LCP1: variants seen among roughly 807,000 people sequenced by gnomAD.
LCP1 encodes plastin-2.
LCP1 carries 23 observed loss-of-function variants against 72.0 expected under a neutral mutation model. That is an observed-to-expected ratio of 0.32 (90% confidence interval 0.23 to 0.45). LCP1 has a LOEUF of 0.45. LCP1 is among the 20% of genes least tolerant of loss of function. The pLI is 1.00. For synonymous variants in LCP1, 245 were observed against 275.4 expected, an observed-to-expected ratio of 0.89 and a Z score of 1.09; for missense variants, 571 against 748.3, an observed-to-expected ratio of 0.76 and a Z score of 2.76.
At chr13:46,181,934 C>A (rs2045957973) in intron 1 of LCP1, among the ~76,000 whole-genome samples, 177 bp downstream of exon 1, 1 of 152,142 alleles carries the variant, frequency 6.6e-6, no homozygotes, top group Non-Finnish European at 1.5e-5. Context: ...TCTTGGATGG[C>A]CACGCGAGGT....
chr13:46,173,041 C>T (rs747093030), intron 1 of LCP1, among the ~76,000 whole-genome samples: 2 of 152,178 alleles, frequency 1.3e-5, no homozygotes, highest in Non-Finnish European at 2.9e-5. Flanking sequence ...CTTTGAGATG[C>T]ACGGTCCATG....
chr13:46,133,279 TA>T (rs1349826411), intron 14 of LCP1, among the ~76,000 whole-genome samples: 1 of 152,234 alleles, frequency 6.6e-6, no homozygotes, highest in Non-Finnish European at 1.5e-5. Flanking sequence ...ATCTTGCTTT[TA>T]AAATCATGGA....
chr13:46,153,002 T>C, intron 6 of LCP1, 57 bp from the exon 7 acceptor site: 1 of 1,478,424 alleles, frequency 6.8e-7, no homozygotes. Flanking sequence ...TGCCAAATAA[T>C]ACCGATGGCA....
At chr13:46,136,753 T>C (rs2045667426) in intron 13 of LCP1, among the ~76,000 whole-genome samples, 1 of 151,862 alleles carries the variant, frequency 6.6e-6, no homozygotes, top group African/African-American at 2.4e-5. Context: ...ACATCTGAAT[T>C]AAAAAAAAGG....
At chr13:46,152,150 G>A (rs934455384) in intron 7 of LCP1, among the ~76,000 whole-genome samples, 4 of 152,122 alleles carry the variant, frequency 2.6e-5, no homozygotes, top group South Asian at 4.1e-4. Context: ...ATCTCATATC[G>A]TTACCTTTCT....
chr13:46,158,913 C>A lies in LCP1; in HGVS notation c.141G>T (p.Gly47=), dbSNP rs890975379. Residue 47 remains glycine, a synonymous_variant, in exon 3 of 16, where the codon GGG becomes GGT. Coordinates refer to ENST00000323076, the MANE Select transcript of LCP1 (RefSeq NM_002298.5). ...TTTCTGTAATTTCTCGTACTCTATA[C>A]CCAGGCAAAGGCAAGCAAGCAGCCT... The part of the protein sequence containing the change: ...LFKAACLPLP[G]YRVREITENL... 3 of 1,614,150 alleles carry A rather than the reference C, an allele frequency of 1.9e-6. No homozygotes were observed. The highest frequency in any genetic ancestry group is 3.3e-5 in the Admixed American group (2 of 60,026).
intron 1 of LCP1, among the ~76,000 whole-genome samples, chr13:46,164,216 G>A (rs1373758512): frequency 2.0e-5 from 3 of 152,162 alleles, no homozygotes; most frequent in Non-Finnish European, 2.9e-5. Context: ...AATATAAGTA[G>A]AAGCAGAGAA....
rs59614425 is a variant in LCP1, at chr13:46,137,224, A to AAAC, written c.1503-2975_1503-2974insGTT. 2.6e-3 allele frequency among the ~76,000 whole-genome samples: 391 copies of AAAC among 148,508 alleles called. 2 individuals carry two copies. The highest frequency in any genetic ancestry group is 8.9e-3 in the African/African-American group (357 of 40,138). The stretch of plus-strand genomic sequence containing the variant: ...AGTAAAACGATAAAAAAAAAAAAAA[A>AAAC]CACAAAGAGAAGAAAGAATAGAATT... On this transcript the variant is annotated intron_variant, in intron 13 of 15. Transcript: ENST00000323076.
intron 1 of LCP1, among the ~76,000 whole-genome samples, chr13:46,180,277 A>T (rs2045950224): frequency 6.6e-6 from 1 of 152,222 alleles, no homozygotes; most frequent in South Asian, 2.1e-4. Context: ...CATAAAGAGT[A>T]GCTGCTTACA....
In LCP1 at chr13:46,146,961, T is replaced by C; in HGVS notation, c.1121A>G (p.Tyr374Cys). Residue 374 changes from tyrosine to cysteine, a missense_variant, in exon 10 of 16, where the codon TAC (tyrosine) becomes TGC (cysteine). Transcript: ENST00000323076. ...GTTCTCTGGTTTGTGCAGGGCAGGG[T>C]ATCTGTTAAAGAGGTTGGCAATAAA... is the stretch of plus-strand genomic sequence containing the variant. ...LAFIANLFNR[Y>C]PALHKPENQD... The C allele has an allele frequency of 6.2e-7, 1 of 1,614,090 alleles. No homozygotes were observed. The highest frequency in any genetic ancestry group is 1.1e-5 in the South Asian group (1 of 91,074).
chr13:46,175,833 A>G (rs1593967036), intron 1 of LCP1, among the ~76,000 whole-genome samples: 1 of 152,232 alleles, frequency 6.6e-6, no homozygotes, highest in Non-Finnish European at 1.5e-5. Context: ...TTTTAAGATG[A>G]CAAAAGAGTG....
intron 15 of LCP1, among the ~76,000 whole-genome samples, chr13:46,128,324 C>T (rs543111516): frequency 6.6e-5 from 10 of 152,326 alleles, no homozygotes; most frequent in South Asian, 6.2e-4. Context: ...CTTGGCCAGG[C>T]GCGGTGGCTC....
chr13:46,132,232 C>G (rs974666988), intron 14 of LCP1, among the ~76,000 whole-genome samples: 1 of 152,152 alleles, frequency 6.6e-6, no homozygotes, highest in African/African-American at 2.4e-5. Context: ...GCTTGTCAAA[C>G]CTTGTCCCCA....
At chr13:46,163,739 G>A (rs1235769302) in intron 1 of LCP1, among the ~76,000 whole-genome samples, 22 of 151,820 alleles carry the variant, frequency 1.4e-4, no homozygotes, top group Non-Finnish European at 1.5e-5. Flanking sequence ...AGTCATTCTA[G>A]TAGAAAGCTT....
intron 1 of LCP1, among the ~76,000 whole-genome samples, chr13:46,170,922 A>G (rs1261477324): frequency 1.3e-5 from 2 of 152,164 alleles, no homozygotes; most frequent in Non-Finnish European, 2.9e-5. Context: ...GGCCCCCTAG[A>G]GGAAGTGACA....
chr13:46,172,169 AG>A (rs1464206322), intron 1 of LCP1, among the ~76,000 whole-genome samples: 5 of 152,222 alleles, frequency 3.3e-5, no homozygotes, highest in African/African-American at 1.2e-4. Flanking sequence ...AAAATAGAAA[AG>A]GGCATTTCAG....
intron 1 of LCP1, among the ~76,000 whole-genome samples, chr13:46,163,030 C>T (rs1206707338): frequency 6.8e-6 from 1 of 146,840 alleles, no homozygotes; most frequent in Non-Finnish European, 1.5e-5. Context: ...AGCCCCCGCC[C>T]GGCCAGCCGC....
chr13:46,181,239 T>C (rs1477442061), intron 1 of LCP1, among the ~76,000 whole-genome samples: 1 of 152,258 alleles, frequency 6.6e-6, no homozygotes, highest in Non-Finnish European at 1.5e-5. Flanking sequence ...TTTATAGTTA[T>C]CATTTGTCAA....
At chr13:46,132,291 G>A (rs919496900) in intron 14 of LCP1, among the ~76,000 whole-genome samples, 1 of 152,138 alleles carries the variant, frequency 6.6e-6, no homozygotes, top group Admixed American at 6.5e-5. Flanking sequence ...TGGAGCAGCA[G>A]CTATTTTACG....
Sources: allele counts gnomAD v4.1 joint callset (sites outside exome capture counted in the v4.1 genomes callset), GRCh38; gene constraint gnomAD v4.1.1; transcripts MANE v1.5; gene names NCBI Gene and HGNC (gene_info 2026-07-23, HGNC 2026-07-21).